FSHR: variants seen among roughly 807,000 people sequenced by gnomAD.
FSHR encodes the protein follicle stimulating hormone receptor.
A neutral mutation model predicts 52.1 loss-of-function variants in FSHR; 46 were observed. The observed-to-expected ratio is 0.88, with a 90% CI of 0.70 to 1.13. The LOEUF (loss-of-function observed/expected upper bound fraction) is 1.13. Ranked by LOEUF, FSHR falls within the 50% of genes most tolerant of loss-of-function variation. FSHR has a pLI of 0.00. For synonymous variants in FSHR, 399 were observed against 309.6 expected (o/e 1.29, Z -3.03); for missense variants, 964 against 834.6 (o/e 1.16, Z -1.91).
At chr2:49,042,810 G>A (rs895332904) in intron 2 of FSHR, among the ~76,000 whole-genome samples, 4 of 152,286 alleles carry the variant, frequency 2.6e-5, no homozygotes, top group East Asian at 1.9e-4. Flanking sequence ...TGAAGATGTG[G>A]CATATTTGGT....
At chr2:49,081,909 G>T (rs1026863240) in intron 1 of FSHR, among the ~76,000 whole-genome samples, 4 of 152,170 alleles carry the variant, frequency 2.6e-5, no homozygotes, top group African/African-American at 9.6e-5. Flanking sequence ...CTGGAAGACA[G>T]CCAATATTCT....
intron 9 of FSHR, among the ~76,000 whole-genome samples, chr2:48,964,291 C>CTA: frequency 6.6e-6 from 1 of 152,166 alleles, no homozygotes; most frequent in East Asian, 1.9e-4. Flanking sequence ...CAACTCGACC[C>CTA]TTTTCCTTCT....
chr2:49,117,306 T>C (rs1054727336), intron 1 of FSHR, among the ~76,000 whole-genome samples: 3 of 152,208 alleles, frequency 2.0e-5, no homozygotes, highest in Non-Finnish European at 4.4e-5. Flanking sequence ...ATCTCTGGTA[T>C]GTCATCGGTG....
intron 1 of FSHR, among the ~76,000 whole-genome samples, chr2:49,074,775 G>C: frequency 7.0e-6 from 1 of 143,606 alleles, no homozygotes; most frequent in Non-Finnish European, 1.6e-5. Flanking sequence ...AATCAACCTA[G>C]TTGTCCAACA....
At chr2:49,141,473 C>A (rs1672685685) in intron 1 of FSHR, among the ~76,000 whole-genome samples, 2 of 151,830 alleles carry the variant, frequency 1.3e-5, no homozygotes, top group South Asian at 4.1e-4. Context: ...AGATACCACA[C>A]TTTACAACAA....
chr2:49,095,505 GC>G (rs1186627438), intron 1 of FSHR, among the ~76,000 whole-genome samples: 1 of 152,142 alleles, frequency 6.6e-6, no homozygotes, highest in African/African-American at 2.4e-5. Flanking sequence ...AATTGTAAGA[GC>G]TAAAACTATA....
chr2:48,978,385 A>G (rs1382768385), intron 8 of FSHR, among the ~76,000 whole-genome samples: 3 of 152,384 alleles, frequency 2.0e-5, no homozygotes, highest in Admixed American at 1.3e-4. Flanking sequence ...GGCTGGATAA[A>G]AAGGCAATTT....
chr2:49,138,170 G>A (rs868256565), intron 1 of FSHR, among the ~76,000 whole-genome samples: 1 of 152,044 alleles, frequency 6.6e-6, no homozygotes, highest in African/African-American at 2.4e-5. Context: ...CAATGAAATA[G>A]CACTTTATAC....
intron 4 of FSHR, among the ~76,000 whole-genome samples, chr2:49,008,015 T>C (rs544718205): frequency 6.6e-6 from 1 of 152,020 alleles, no homozygotes; most frequent in African/African-American, 2.4e-5. Flanking sequence ...TTCTTTTTTT[T>C]AAATTTTTTT....
chr2:49,130,766 C>T (rs1004305756), intron 1 of FSHR, among the ~76,000 whole-genome samples: 2 of 152,142 alleles, frequency 1.3e-5, no homozygotes, highest in African/African-American at 2.4e-5. Context: ...CTGAAATGTA[C>T]TTCTGATTTC....
At chr2:48,987,468 C>T (rs747992143) in intron 6 of FSHR, among the ~76,000 whole-genome samples, 40 of 152,024 alleles carry the variant, frequency 2.6e-4, no homozygotes, top group Non-Finnish European at 5.0e-4. Flanking sequence ...CCTCTGTCTC[C>T]CAAAGTGCTT....
chr2:49,030,613 G>A (rs905262236), intron 2 of FSHR, among the ~76,000 whole-genome samples: 26 of 152,160 alleles, frequency 1.7e-4, no homozygotes, highest in African/African-American at 6.0e-4. Context: ...TTGTATTTGA[G>A]TCACACTGAT....
intron 1 of FSHR, among the ~76,000 whole-genome samples, chr2:49,107,840 C>T (rs769578950): frequency 1.3e-5 from 2 of 152,154 alleles, no homozygotes; most frequent in Non-Finnish European, 2.9e-5. Flanking sequence ...GTATTCCTGA[C>T]TCTAATGCTA....
At position 48,963,308 on chromosome 2, in the gene FSHR, TG is replaced by T. The variant is rs762921549; in HGVS notation, c.1512del (p.Ile505SerfsTer8). On this transcript the variant is annotated frameshift_variant, in exon 10 of 10. Transcript: ENST00000406846. LOFTEE classifies it high-confidence loss of function. ...TTCATGTAGCTGCTGATGCCAAAGA[TG>T]GGAAAGAGGGCAGCTGCAAAAGCAA... ...WIFAFAAALF[P>X]IFGISSYMKV... is the part of the protein sequence containing the mutation. 6.2e-7 allele frequency: 1 copy of T among 1,614,030 alleles called. No homozygotes were observed. Among genetic ancestry groups the T allele is most frequent in the East Asian group, 2.2e-5 (1 of 44,844 alleles).
intron 1 of FSHR, among the ~76,000 whole-genome samples, chr2:49,126,273 G>C (rs1190866242): frequency 1.3e-5 from 2 of 151,854 alleles, no homozygotes; most frequent in African/African-American, 4.8e-5. Flanking sequence ...TATCCCATGG[G>C]GGAGGGTGGA....
At chr2:49,052,765 T>C (rs556354101) in intron 2 of FSHR, among the ~76,000 whole-genome samples, 1 of 152,296 alleles carries the variant, frequency 6.6e-6, no homozygotes, top group East Asian at 1.9e-4. Flanking sequence ...GCTTTGACCA[T>C]TAACTCTCAG....
At chr2:48,987,314 CT>C (rs923565170) in intron 6 of FSHR, among the ~76,000 whole-genome samples, 8 of 152,102 alleles carry the variant, frequency 5.3e-5, no homozygotes, top group African/African-American at 1.7e-4. Flanking sequence ...AGCGATTCCC[CT>C]GCCTCACCCT....
intron 2 of FSHR, among the ~76,000 whole-genome samples, chr2:49,038,624 C>CAAAAA (rs71401003): frequency 3.1e-5 from 2 of 65,444 alleles, no homozygotes; most frequent in Non-Finnish European, 6.2e-5. Context: ...GACTCTGTCT[C>CAAAAA]AAAATAATAA....
At chr2:49,023,873 T>C (rs1667827916) in intron 2 of FSHR, among the ~76,000 whole-genome samples, 1 of 152,148 alleles carries the variant, frequency 6.6e-6, no homozygotes, top group Admixed American at 6.5e-5. Context: ...AGGCATTCTC[T>C]CTGGTGTGGG....
Sources: allele counts gnomAD v4.1 joint callset (sites outside exome capture counted in the v4.1 genomes callset), GRCh38; gene constraint gnomAD v4.1.1; transcripts MANE v1.5; gene names NCBI Gene and HGNC (gene_info 2026-07-23, HGNC 2026-07-21).